GFRA3: variants seen among roughly 807,000 people sequenced by gnomAD.
GFRA3 encodes GDNF family receptor alpha 3, also known as GDNF family receptor alpha-3.
GFRA3 carries 24 observed loss-of-function variants against 40.0 expected under a neutral mutation model. That is an observed-to-expected ratio of 0.60 (90% CI 0.43 to 0.84). The LOEUF (loss-of-function observed/expected upper bound fraction) is 0.84, where lower values mean the gene tolerates loss of function less well. Ranked by LOEUF, GFRA3 falls within the 40% of genes least tolerant of loss-of-function variation. GFRA3 has a pLI of 0.00. For synonymous variants in GFRA3, 203 were observed against 213.5 expected (o/e 0.95, Z 0.43); for missense variants, 405 against 530.6 (o/e 0.76, Z 2.33).
intron 1 of GFRA3, among the ~76,000 whole-genome samples, chr5:138,273,423 T>C (rs1449773628): frequency 6.6e-6 from 1 of 152,202 alleles, no homozygotes; most frequent in African/African-American, 2.4e-5. Flanking sequence ...AGCCATAACC[T>C]TTAGGATTAG....
At chr5:138,269,616 G>A (rs936445384) in intron 1 of GFRA3, among the ~76,000 whole-genome samples, 3 of 151,488 alleles carry the variant, frequency 2.0e-5, no homozygotes, top group African/African-American at 7.3e-5. Flanking sequence ...AGCCGAGGTA[G>A]GCAGATCATG....
chr5:138,274,584 A>AAGCGCGCGTCC lies in GFRA3; in HGVS notation c.-171_-161dup. On this transcript the variant is annotated 5_prime_UTR_variant, in exon 1 of 8. Coordinates refer to ENST00000274721, the MANE Select transcript of GFRA3 (RefSeq NM_001496.4). The stretch of plus-strand genomic sequence containing the variant: ...TCCTGGGCGCCGCCCTCCAACTCCG[A>AAGCGCGCGTCC]AGCGCGCGTCCACACCACGCGCCTC... 1 of 1,225,110 alleles carries AAGCGCGCGTCC rather than the reference A, an allele frequency of 8.2e-7. No individual in the cohort carries two copies. The highest frequency in any genetic ancestry group is 4.2e-5 in the South Asian group (1 of 23,544). 75.9% of individuals were successfully genotyped at this position (1,225,110 alleles called of 1,614,324 possible).
In GFRA3 at chr5:138,258,025, G is replaced by A. The variant is rs950419745; in HGVS notation, c.473-74C>T. The A allele has an allele frequency of 2.0e-5, 24 of 1,205,672 alleles. No individual in the cohort carries two copies. In the Admixed American group the frequency reaches 3.8e-4, roughly 19 times the overall value. 74.7% of individuals were successfully genotyped at this position (1,205,672 alleles called of 1,614,324 possible). A position where few individuals can be genotyped will look rare whatever the true frequency, so the allele number is the denominator to read the frequency against. On this transcript the variant is annotated intron_variant, in intron 3 of 7. Transcript: ENST00000274721. Reference sequence around the variant, plus strand: ...GCACCCCAGGTTCCACAGGAACCCCGGAAACCCCTGATTTGACAAGAAGGT... The same window carrying A: ...GCACCCCAGGTTCCACAGGAACCCCAGAAACCCCTGATTTGACAAGAAGGT...
chr5:138,254,884 A>G (rs559885940), intron 4 of GFRA3, among the ~76,000 whole-genome samples: 21 of 152,032 alleles, frequency 1.4e-4, no homozygotes, highest in South Asian at 6.2e-4. Flanking sequence ...AGTTGAGCTC[A>G]GGGGTTGGAG....
rs764568361 is a variant in GFRA3, at chr5:138,264,570, G to T, written c.92-22C>A. 1.9e-6 allele frequency: 3 copies of T among 1,541,982 alleles called. No homozygotes were observed. The South Asian group carries it at 3.6e-5, about 19-fold the overall frequency. On this transcript the variant is annotated intron_variant, in intron 1 of 7. Transcript: ENST00000274721. ...TCTCCTGTAAAGGGAGATACCAGGTGAGGCTACGTAAGATTAGAATAGCTG... is the reference window on the plus strand; with the variant it reads ...TCTCCTGTAAAGGGAGATACCAGGTTAGGCTACGTAAGATTAGAATAGCTG...
chr5:138,253,363 G>A lies in GFRA3; in HGVS notation c.1037C>T (p.Ala346Val), dbSNP rs1322068200. 1 of 1,593,948 alleles carries A rather than the reference G, an allele frequency of 6.3e-7. No homozygotes were observed. Among genetic ancestry groups the A allele is most frequent in the Admixed American group, 1.7e-5 (1 of 58,116 alleles). ...TTGGCTGTGAAAACGCATCTTAGCT[G>A]CAATGGCCTCCGCTGAAGAGAGGAG... ...SHNPCLTEAI[A>V]AKMRFHSQLF... The change falls in exon 7 of 8, where the codon GCA becomes GTA. Residue 346 changes from alanine (A) to valine (V), a missense_variant. Ala to Val is a moderately conservative substitution (Grantham distance 64). Transcript: ENST00000274721.
intron 1 of GFRA3, among the ~76,000 whole-genome samples, chr5:138,273,189 A>G (rs903945621): frequency 6.6e-6 from 1 of 152,108 alleles, no homozygotes; most frequent in Admixed American, 6.6e-5. Flanking sequence ...CTGAGCAATG[A>G]TATTTTCCAC....
rs375713423 is a variant in GFRA3, at chr5:138,253,738, G to A, written c.1024+28C>T. On this transcript the variant is annotated intron_variant, in intron 6 of 7. Transcript: ENST00000274721. ...TTGAGTCCAGCTGACTCAGCCCCAG[G>A]GGCTGGGAGCAAGTACAGCACACTC... 3.1e-6 allele frequency: 5 copies of A among 1,607,170 alleles called. No individual in the cohort carries two copies. In the African/African-American group the frequency reaches 6.7e-5, roughly 21 times the overall value.
At chr5:138,265,342 G>A (rs569338877) in intron 1 of GFRA3, among the ~76,000 whole-genome samples, 13 of 150,380 alleles carry the variant, frequency 8.6e-5, no homozygotes, top group Middle Eastern at 3.5e-3. Context: ...TCAGCCTCCC[G>A]TGTAGCTGGG....
intron 4 of GFRA3, among the ~76,000 whole-genome samples, chr5:138,254,822 A>T (rs1001160221): frequency 6.6e-6 from 1 of 152,090 alleles, no homozygotes; most frequent in African/African-American, 2.4e-5. Context: ...AGCCAGGCAT[A>T]GCGGCTCACG....
rs192601629 is a variant in GFRA3 at position 138,268,022 on chromosome 5, C to T, written c.92-3474G>A. On this transcript the variant is annotated intron_variant, in intron 1 of 7. Coordinates refer to ENST00000274721, the MANE Select transcript of GFRA3 (RefSeq NM_001496.4). Reference sequence around the variant, plus strand: ...ATTAAGAACTTAAATCTGGCCACCACGCCTGTAATCTCAGCACTTTGGGAG... The same window carrying T: ...ATTAAGAACTTAAATCTGGCCACCATGCCTGTAATCTCAGCACTTTGGGAG... 1.5e-3 allele frequency among the ~76,000 whole-genome samples: 232 copies of T among 152,064 alleles called. 3 individuals carry two copies. Among genetic ancestry groups the T allele is most frequent in the Non-Finnish European group, 3.7e-4 (25 of 67,950 alleles).
intron 1 of GFRA3, among the ~76,000 whole-genome samples, chr5:138,265,282 T>A (rs1296544647): frequency 6.8e-6 from 1 of 147,428 alleles, no homozygotes; most frequent in East Asian, 2.0e-4. Flanking sequence ...AATGGCGTGA[T>A]CTTGGCTCAA....
In GFRA3 at chr5:138,257,898, C is replaced by T; in HGVS notation, c.526G>A (p.Asp176Asn). The part of the protein sequence containing the change: ...AMLCTLNDKC[D>N]RLRKAYGEAC... The stretch of plus-strand genomic sequence containing the variant: ...TCCCCGTAGGCCTTGCGCAGCCGGT[C>T]ACACTTGTCATTGAGAGTACACAGC... Residue 176 changes from aspartate (D) to asparagine (N), a missense_variant, in exon 4 of 8, where the codon GAC (aspartate) becomes AAC (asparagine). Coordinates refer to ENST00000274721, the MANE Select transcript of GFRA3 (RefSeq NM_001496.4). 1 of 1,614,088 alleles carries T rather than the reference C, an allele frequency of 6.2e-7. No individual in the cohort carries two copies.
chr5:138,274,144 TTC>T lies in GFRA3; in HGVS notation c.91+188_91+189del, dbSNP rs1755914803. 2.6e-5 allele frequency among the ~76,000 whole-genome samples: 4 copies of T among 152,270 alleles called. No individual in the cohort carries two copies. The South Asian group carries it at 8.3e-4, about 32-fold the overall frequency. Reference sequence around the variant, plus strand: ...ATTGCTGGCACTCAGTCTATCTCAGTTCGTACACTGTGTTAGGTGTGACCCCA... The same window carrying T: ...ATTGCTGGCACTCAGTCTATCTCAGTGTACACTGTGTTAGGTGTGACCCCA... On this transcript the variant is annotated intron_variant, in intron 1 of 7. Transcript: ENST00000274721.
chr5:138,259,476 C>G (rs1387260926), intron 3 of GFRA3, 81 bp downstream of exon 3: 2 of 777,742 alleles, frequency 2.6e-6, no homozygotes, highest in African/African-American at 3.4e-5. Context: ...ATAAGCTCCC[C>G]AACTTCTGCC....
intron 1 of GFRA3, chr5:138,267,407 G>C (rs1202629027): frequency 1.3e-5 from 2 of 152,284 alleles, no homozygotes; most frequent in Admixed American, 1.3e-4. Flanking sequence ...GGCCAGGCTG[G>C]TCTCGAACTC....
chr5:138,254,181 GTCTT>G (rs1462587162), intron 4 of GFRA3, 21 bp from the exon 5 acceptor site: 4 of 1,328,582 alleles, frequency 3.0e-6, no homozygotes, highest in Admixed American at 1.8e-5. Flanking sequence ...GGAAATTTCT[GTCTT>G]TCTTTTTTTT....
Position 138,254,776 on chromosome 5 carries a change from G to A in GFRA3, c.786-616C>T, listed in dbSNP as rs1010225527. Among the ~76,000 whole-genome samples, 6 of 152,000 alleles carry A rather than the reference G, an allele frequency of 3.9e-5. No homozygotes were observed. In the East Asian group the frequency reaches 7.7e-4, roughly 20 times the overall value. On this transcript the variant is annotated intron_variant, in intron 4 of 7. Transcript: ENST00000274721. ...ATAGAGATGACAGCAGCACTACCTC[G>A]TGGATTTTTGTGAGGATGAAGTAAG...
intron 1 of GFRA3, 42 bp downstream of exon 1, chr5:138,274,292 C>G (rs746656561): frequency 3.0e-6 from 4 of 1,321,542 alleles, no homozygotes; most frequent in Non-Finnish European, 1.9e-6. Context: ...CTCACCTCCC[C>G]CTCCCACTGT....
Sources: allele counts gnomAD v4.1 joint callset (sites outside exome capture counted in the v4.1 genomes callset), GRCh38; gene constraint gnomAD v4.1.1; transcripts MANE v1.5; gene names NCBI Gene and HGNC (gene_info 2026-07-23, HGNC 2026-07-21).